Variants in DGKB observed in about 807,000 individuals in gnomAD.
DGKB encodes diacylglycerol kinase beta.
In DGKB, 67 loss-of-function variants were observed where a neutral mutation model predicts 114.3. That is an observed-to-expected ratio of 0.59 (90% CI 0.48 to 0.72). The LOEUF is 0.72. Among genes scored for constraint, DGKB ranks in the 30% least tolerant of loss-of-function variants. The probability of loss-of-function intolerance (pLI) is 0.00; values close to 1 mark genes in which losing one functional copy is unlikely to be tolerated. For missense variants in DGKB, 907 were observed against 975.2 expected, an observed-to-expected ratio of 0.93 and a Z score of 0.93; for synonymous variants, 398 against 323.1, an observed-to-expected ratio of 1.23 and a Z score of -2.49.
intron 23 of DGKB, among the ~76,000 whole-genome samples, chr7:14,240,992 G>T: frequency 6.6e-6 from 1 of 152,030 alleles, no homozygotes; most frequent in East Asian, 1.9e-4. Flanking sequence ...AGTCAGCTCT[G>T]TCCTTTTGTT....
chr7:14,164,347 C>A (rs2128227964), intron 25 of DGKB, among the ~76,000 whole-genome samples: 1 of 152,238 alleles, frequency 6.6e-6, no homozygotes, highest in South Asian at 2.1e-4. Flanking sequence ...CGCTGTGCAA[C>A]TTTTAACTAG....
chr7:14,687,896 C>T (rs890164155), intron 9 of DGKB, among the ~76,000 whole-genome samples: 1 of 152,128 alleles, frequency 6.6e-6, no homozygotes, highest in African/African-American at 2.4e-5. Flanking sequence ...AACACTTAGC[C>T]GTGTTACAGG....
chr7:14,912,558 A>G (rs954826399), intron 1 of DGKB, among the ~76,000 whole-genome samples: 9 of 152,186 alleles, frequency 5.9e-5, no homozygotes, highest in African/African-American at 2.2e-4. Flanking sequence ...AATAGCTTAC[A>G]TGAGAAGTCA....
chr7:14,857,248 C>CTGTGTGTTTGTGTGTGTGTG (rs1554308182), intron 1 of DGKB, among the ~76,000 whole-genome samples: 1 of 23,538 alleles, frequency 4.2e-5, no homozygotes, highest in African/African-American at 3.6e-4. Context: ...CAACCCCCTG[C>CTGTGTGTTTGTGTGTGTGTG]TGTGTGTGTT....
chr7:14,361,875 T>C (rs536088642), intron 21 of DGKB, among the ~76,000 whole-genome samples: 1 of 152,104 alleles, frequency 6.6e-6, no homozygotes, highest in African/African-American at 2.4e-5. Flanking sequence ...TATATTAAAA[T>C]ACTAGCAACA....
At chr7:14,732,003 T>C (rs4721362) in intron 5 of DGKB, among the ~76,000 whole-genome samples, 3 of 151,972 alleles carry the variant, frequency 2.0e-5, no homozygotes, top group Admixed American at 2.0e-4. Flanking sequence ...AAATAAGTCA[T>C]CTTCTTCATG....
rs145812659 is a variant in DGKB, at chr7:14,732,395, G to A, written c.322+3646C>T. ...TATTTTTCAGCCACAAAAACACCTC[G>A]TTATACATTAGATAACAGATTATTG... is the stretch of plus-strand genomic sequence containing the variant. On this transcript the variant is annotated intron_variant, in intron 5 of 25. Transcript: ENST00000402815. Among the ~76,000 whole-genome samples the A allele has an allele frequency of 3.7e-3, 556 of 152,092 alleles. 3 individuals carry two copies. Among genetic ancestry groups the A allele is most frequent in the Middle Eastern group, 0.017 (5 of 292 alleles).
At chr7:14,193,044 C>G (rs1364495629) in intron 23 of DGKB, among the ~76,000 whole-genome samples, 1 of 151,850 alleles carries the variant, frequency 6.6e-6, no homozygotes, top group African/African-American at 2.4e-5. Context: ...TGGGGAGCAG[C>G]TATAAAATAC....
rs73064787 is a variant in DGKB at position 14,781,085 on chromosome 7, G to A, written c.71-23354C>T. 1.7e-3 allele frequency among the ~76,000 whole-genome samples: 266 copies of A among 152,200 alleles called. 1 individual carries two copies. In the Middle Eastern group the frequency reaches 0.027, roughly 16 times the overall value. On this transcript the variant is annotated intron_variant, in intron 2 of 25. Transcript: ENST00000402815. ...CAACTTGATGGCAATAAGTACCTATGGTTGATTTCTTTCACAGTTTTGTAA... is the reference window on the plus strand; with the variant it reads ...CAACTTGATGGCAATAAGTACCTATAGTTGATTTCTTTCACAGTTTTGTAA...
intron 23 of DGKB, among the ~76,000 whole-genome samples, chr7:14,249,551 T>TATC (rs1049129980): frequency 1.3e-5 from 2 of 152,156 alleles, no homozygotes; most frequent in Non-Finnish European, 2.9e-5. Context: ...TCTATTACTT[T>TATC]ATCATTTAGT....
At chr7:14,280,290 C>T (rs187236450) in intron 23 of DGKB, among the ~76,000 whole-genome samples, 13 of 151,740 alleles carry the variant, frequency 8.6e-5, no homozygotes, top group African/African-American at 1.7e-4. Context: ...TGAAATGAAG[C>T]GAGAAGGAAA....
chr7:14,769,125 G>GAA (rs879425687), intron 2 of DGKB, among the ~76,000 whole-genome samples: 3,511 of 83,530 alleles, frequency 0.042, 85 homozygotes, highest in African/African-American at 0.12. Context: ...AAGAAAGAAA[G>GAA]AGAGAGAGAG....
At chr7:14,271,245 A>C (rs1798232047) in intron 23 of DGKB, among the ~76,000 whole-genome samples, 1 of 152,186 alleles carries the variant, frequency 6.6e-6, no homozygotes, top group Non-Finnish European at 1.5e-5. Context: ...ATTCAAAGAG[A>C]GATAACATGA....
At chr7:14,530,716 C>T (rs938383980) in intron 20 of DGKB, among the ~76,000 whole-genome samples, 1 of 151,480 alleles carries the variant, frequency 6.6e-6, no homozygotes, top group African/African-American at 2.4e-5. Flanking sequence ...TTGCCAATCT[C>T]ACAAAGAATA....
At chr7:14,614,735 G>A (rs1370076211) in intron 15 of DGKB, among the ~76,000 whole-genome samples, 4 of 152,018 alleles carry the variant, frequency 2.6e-5, no homozygotes, top group Admixed American at 2.0e-4. Context: ...TGAGATACTC[G>A]TAATTTTTCT....
At chr7:14,584,038 A>G (rs1167168331) in intron 17 of DGKB, among the ~76,000 whole-genome samples, 2 of 152,220 alleles carry the variant, frequency 1.3e-5, no homozygotes, top group Non-Finnish European at 2.9e-5. Flanking sequence ...TCTTTATTAC[A>G]CACATATTTT....
chr7:14,600,622 C>A (rs143451998), intron 17 of DGKB, among the ~76,000 whole-genome samples: 3 of 151,868 alleles, frequency 2.0e-5, no homozygotes, highest in Non-Finnish European at 4.4e-5. Flanking sequence ...CAATGGTGTA[C>A]GATAGAATGG....
At chr7:14,902,004 G>A (rs917709014) in intron 1 of DGKB, among the ~76,000 whole-genome samples, 2 of 152,080 alleles carry the variant, frequency 1.3e-5, no homozygotes, top group Non-Finnish European at 2.9e-5. Context: ...GAAACTGAGG[G>A]GACCCTCCAT....
Position 14,728,045 on chromosome 7 carries a change from G to A in DGKB, c.322+7996C>T, listed in dbSNP as rs139790056. 7.6e-3 allele frequency among the ~76,000 whole-genome samples: 1,161 copies of A among 152,224 alleles called. 9 individuals carry two copies. The highest frequency in any genetic ancestry group is 0.016 in the Admixed American group (251 of 15,296). ...TCTATCTAAAATAAGTACTTGGGGC[G>A]TGACTCAAATGCACAGAAAACATAA... is the stretch of plus-strand genomic sequence containing the variant. On this transcript the variant is annotated intron_variant, in intron 5 of 25. Transcript: ENST00000402815.
Sources: gnomAD v4.1 joint callset for allele counts (sites outside exome capture counted in the v4.1 genomes callset) on GRCh38, gnomAD v4.1.1 for gene constraint, MANE v1.5 for transcripts, NCBI Gene and HGNC (gene_info 2026-07-23, HGNC 2026-07-21) for gene names.